The following ABHD17B variants were observed in gnomAD, a reference collection of about 807,000 sequenced individuals.
The protein encoded by ABHD17B is abhydrolase domain containing 17B, depalmitoylase, also known as alpha/beta hydrolase domain-containing protein 17B.
A neutral mutation model predicts 26.2 loss-of-function variants in ABHD17B; 9 were observed. That is an observed-to-expected ratio of 0.34 (90% CI 0.21 to 0.60). The LOEUF (loss-of-function observed/expected upper bound fraction) is 0.60. Ranked by LOEUF, ABHD17B falls within the 20% of genes least tolerant of loss-of-function variation. The pLI, the probability that ABHD17B is intolerant of heterozygous loss-of-function variation, is 0.80. For missense variants in ABHD17B, 224 were observed against 352.1 expected, an observed-to-expected ratio of 0.64 and a Z score of 2.91; for synonymous variants, 127 against 122.3, an observed-to-expected ratio of 1.04 and a Z score of -0.25.
At chr9:71,874,549 T>C in intron 2 of ABHD17B, 65 bp downstream of exon 2, 1 of 1,354,946 alleles carries the variant, frequency 7.4e-7, no homozygotes, top group Non-Finnish European at 1.0e-6. Context: ...TTTATTCTAT[T>C]CTTACACAAG....
chr9:71,890,204 A>C (rs1240528243), intron 1 of ABHD17B, among the ~76,000 whole-genome samples: 1 of 152,122 alleles, frequency 6.6e-6, no homozygotes, highest in African/African-American at 2.4e-5. Context: ...ACAGGAGAAT[A>C]GCTTGAGCCC....
intron 1 of ABHD17B, among the ~76,000 whole-genome samples, chr9:71,905,230 C>T (rs1589233929): frequency 6.6e-6 from 1 of 151,686 alleles, no homozygotes. Flanking sequence ...TCAAGCGATT[C>T]TCCTGTCTCA....
chr9:71,890,269 G>T (rs1188982393), intron 1 of ABHD17B, among the ~76,000 whole-genome samples: 1 of 152,020 alleles, frequency 6.6e-6, no homozygotes, highest in Non-Finnish European at 1.5e-5. Flanking sequence ...CAGCCTGGGT[G>T]ACAGAGCTGG....
chr9:71,905,427 T>C (rs1336270238), intron 1 of ABHD17B, among the ~76,000 whole-genome samples: 4 of 152,198 alleles, frequency 2.6e-5, no homozygotes, highest in Admixed American at 1.3e-4. Flanking sequence ...TACCATTTCA[T>C]ACTCCTCAGA....
rs145811233 is a variant in ABHD17B, at chr9:71,891,690, G to A, written c.-3-16607C>T. ...CTCCTGTAACTGCTAGAATAAAGAG[G>A]ATTTTGGAGATAGAGTAGTCAGTGT... On this transcript the variant is annotated intron_variant, in intron 1 of 3. Transcript: ENST00000333421. Among the ~76,000 whole-genome samples the A allele has an allele frequency of 1.1e-3, 174 of 152,226 alleles. 2 individuals are homozygous for A. The highest frequency in any genetic ancestry group is 2.9e-3 in the African/African-American group (121 of 41,536).
intron 1 of ABHD17B, among the ~76,000 whole-genome samples, chr9:71,895,399 C>T (rs1215342513): frequency 1.3e-5 from 2 of 152,304 alleles, no homozygotes; most frequent in East Asian, 3.9e-4. Flanking sequence ...TAGACCAGTA[C>T]TTACTTGCCT....
chr9:71,870,798 T>G (rs983312304), intron 2 of ABHD17B, among the ~76,000 whole-genome samples: 1 of 152,222 alleles, frequency 6.6e-6, no homozygotes, highest in African/African-American at 2.4e-5. Flanking sequence ...TTTACGATTT[T>G]TCTTAAAATT....
intron 3 of ABHD17B, among the ~76,000 whole-genome samples, chr9:71,868,774 T>C (rs1826029542): frequency 6.6e-6 from 1 of 152,226 alleles, no homozygotes; most frequent in Admixed American, 6.5e-5. Context: ...CTGCCATCTC[T>C]GTCTCCCAGG....
At chr9:71,906,557 C>T (rs116877339) in intron 1 of ABHD17B, among the ~76,000 whole-genome samples, 3,679 of 152,228 alleles carry the variant, frequency 0.024, 63 homozygotes, top group Non-Finnish European at 0.038. Context: ...TGTCTGTAAT[C>T]CCAATGTCCC....
In ABHD17B at chr9:71,865,423, C is replaced by CT; in HGVS notation, c.*1363dup. 1 of 984,462 alleles carries CT rather than the reference C, an allele frequency of 1.0e-6. No individual in the cohort carries two copies. Among genetic ancestry groups the CT allele is most frequent in the Non-Finnish European group, 1.2e-6 (1 of 829,082 alleles). 61.0% of individuals were successfully genotyped at this position (984,462 alleles called of 1,614,324 possible). On this transcript the variant is annotated 3_prime_UTR_variant, in exon 4 of 4. Coordinates refer to ENST00000333421, the MANE Select transcript of ABHD17B (RefSeq NM_001025780.3). ...ACAGGGTTCATTCAAGGAAAGGCAA[C>CT]TTAGTTTTTGTATGTGTGAGCTTTA...
At chr9:71,903,182 T>C (rs1010796011) in intron 1 of ABHD17B, among the ~76,000 whole-genome samples, 1 of 152,114 alleles carries the variant, frequency 6.6e-6, no homozygotes, top group Non-Finnish European at 1.5e-5. Flanking sequence ...CTAACTATTG[T>C]CATCCTTTTT....
At chr9:71,882,920 C>T (rs928626879) in intron 1 of ABHD17B, among the ~76,000 whole-genome samples, 7 of 151,822 alleles carry the variant, frequency 4.6e-5, no homozygotes, top group African/African-American at 1.7e-4. Context: ...CCGATGTGGG[C>T]AGAACACGAG....
intron 3 of ABHD17B, among the ~76,000 whole-genome samples, chr9:71,867,887 A>G (rs1826001535): frequency 6.6e-6 from 1 of 152,012 alleles, no homozygotes; most frequent in Non-Finnish European, 1.5e-5. Flanking sequence ...TAGTCAGGCC[A>G]CTGTCCTCCA....
chr9:71,874,269 C>G (rs1421953152), intron 2 of ABHD17B, among the ~76,000 whole-genome samples: 1 of 151,924 alleles, frequency 6.6e-6, no homozygotes, highest in East Asian at 1.9e-4. Flanking sequence ...ACTGCAGCCT[C>G]AAACTCCTGG....
At chr9:71,892,492 C>G (rs1826816179) in intron 1 of ABHD17B, among the ~76,000 whole-genome samples, 1 of 151,608 alleles carries the variant, frequency 6.6e-6, no homozygotes, top group Admixed American at 6.6e-5. Context: ...GAGATCACGC[C>G]ACTGCACTCC....
At chr9:71,883,690 A>G (rs181190611) in intron 1 of ABHD17B, among the ~76,000 whole-genome samples, 60 of 152,348 alleles carry the variant, frequency 3.9e-4, no homozygotes, top group Middle Eastern at 3.4e-3. Flanking sequence ...TAATCCTAGC[A>G]CTTTGGGAGG....
At position 71,873,484 on chromosome 9, in the gene ABHD17B, G is replaced by C. The variant is rs556084342; in HGVS notation, c.467+1130C>G. ...GTGATCTCAGCTCACTGCAACCTCCGCCTCCCAGGTTCAAGTGATTCTCCT... is the reference window on the plus strand; with the variant it reads ...GTGATCTCAGCTCACTGCAACCTCCCCCTCCCAGGTTCAAGTGATTCTCCT... On this transcript the variant is annotated intron_variant, in intron 2 of 3. Coordinates refer to ENST00000333421, the MANE Select transcript of ABHD17B (RefSeq NM_001025780.3). 2.7e-4 allele frequency among the ~76,000 whole-genome samples: 41 copies of C among 151,924 alleles called. No homozygotes were observed. In the South Asian group the frequency reaches 8.3e-3, roughly 31 times the overall value.
chr9:71,874,577 C>T (rs955390055), intron 2 of ABHD17B, 37 bp downstream of exon 2: 8 of 1,498,884 alleles, frequency 5.3e-6, no homozygotes, highest in South Asian at 2.7e-5. Context: ...TAGCTAACCA[C>T]CACGAGTATG....
At chr9:71,906,801 A>G (rs986648747) in intron 1 of ABHD17B, among the ~76,000 whole-genome samples, 1 of 68,896 alleles carries the variant, frequency 1.5e-5, no homozygotes, top group African/African-American at 6.2e-5. Context: ...TTACATTATT[A>G]AAAAACAAAC....
Sources: gnomAD v4.1 joint callset for allele counts (sites outside exome capture counted in the v4.1 genomes callset) on GRCh38, gnomAD v4.1.1 for gene constraint, MANE v1.5 for transcripts, NCBI Gene and HGNC (gene_info 2026-07-23, HGNC 2026-07-21) for gene names.